Variants in MASP2 observed in about 807,000 individuals in gnomAD.
MASP2 encodes MBL associated serine protease 2, also known as mannan-binding lectin serine protease 2.
A neutral mutation model predicts 57.1 loss-of-function variants in MASP2; 49 were observed. The ratio of observed to expected loss-of-function variants is 0.86; its 90% CI spans 0.68 to 1.09. The LOEUF is 1.09. Among genes scored for constraint, MASP2 ranks in the 50% least tolerant of loss-of-function variants. The probability of loss-of-function intolerance (pLI) is 0.00; values close to 1 mark genes in which losing one functional copy is unlikely to be tolerated. For synonymous variants in MASP2, 379 were observed against 340.8 expected (o/e 1.11, Z -1.24); for missense variants, 900 against 874.8 (o/e 1.03, Z -0.36).
intron 10 of MASP2, 76 bp downstream of exon 10, chr1:11,030,100 A>G: frequency 2.8e-6 from 3 of 1,060,564 alleles, no homozygotes; most frequent in Non-Finnish European, 4.3e-6. Context: ...TACCACAGCT[A>G]AAGCTCTCCT....
chr1:11,043,726 C>T (rs370819108), intron 4 of MASP2, among the ~76,000 whole-genome samples, 191 bp from the exon 5 acceptor site: 13 of 152,178 alleles, frequency 8.5e-5, no homozygotes, highest in East Asian at 1.9e-4. Context: ...ACGACCCACC[C>T]GATGGCTGAG....
chr1:11,037,908 T>A, intron 6 of MASP2, 97 bp from the exon 7 acceptor site: 2 of 652,448 alleles, frequency 3.1e-6, no homozygotes, highest in African/African-American at 1.9e-5. Flanking sequence ...AAAGAATACT[T>A]AACATGTAAA....
At chr1:11,040,144 G>A (rs1462304904) in intron 6 of MASP2, among the ~76,000 whole-genome samples, 1 of 151,882 alleles carries the variant, frequency 6.6e-6, no homozygotes. Context: ...TGGATGGAAG[G>A]ATGGGTAGGT....
At chr1:11,031,672 T>C (rs1643848550) in intron 8 of MASP2, among the ~76,000 whole-genome samples, 1 of 151,868 alleles carries the variant, frequency 6.6e-6, no homozygotes, top group Non-Finnish European at 1.5e-5. Context: ...GGTTCAAACC[T>C]GTAATCAGCA....
chr1:11,032,279 CAT>C, intron 8 of MASP2, among the ~76,000 whole-genome samples: 1 of 152,136 alleles, frequency 6.6e-6, no homozygotes. Context: ...CTTGCTCACA[CAT>C]GTGAATTGTG....
chr1:11,044,764 CGACCCT>C, intron 4 of MASP2: 2 of 1,248,558 alleles, frequency 1.6e-6, no homozygotes, highest in Non-Finnish European at 2.2e-6. Context: ...CGCCGCCTCC[CGACCCT>C]CCCACCCCAG....
At chr1:11,040,241 C>T (rs137873361) in intron 6 of MASP2, among the ~76,000 whole-genome samples, 9 of 151,640 alleles carry the variant, frequency 5.9e-5, no homozygotes, top group Non-Finnish European at 8.8e-5. Context: ...GAGGCCAAGG[C>T]GGATGGATCA....
Position 11,027,522 on chromosome 1 carries a change from T to A in MASP2, c.1424A>T (p.Asp475Val). Reference sequence around the variant, plus strand: ...ATGAGCAGCTGTTAGGACCCAGTTGTCATATAAAAGTGCACCTGCTGCTGT... The same window carrying A: ...ATGAGCAGCTGTTAGGACCCAGTTGACATATAAAAGTGCACCTGCTGCTGT... ...GTTAAGALLY[D>V]NWVLTAAHAV... Residue 475 changes from aspartate to valine, a missense_variant, in exon 11 of 11, where the codon GAC (aspartate) becomes GTC (valine). By Grantham distance (152) the Asp-to-Val change is radical (BLOSUM62 -3). Transcript: ENST00000400897. 1.2e-6 allele frequency: 2 copies of A among 1,614,192 alleles called. No homozygotes were observed. The highest frequency in any genetic ancestry group is 2.2e-5 in the South Asian group (2 of 91,082).
chr1:11,044,765 GACCCTCCCA>G, intron 4 of MASP2: 1 of 721,342 alleles, frequency 1.4e-6, no homozygotes, highest in African/African-American at 1.8e-5. Flanking sequence ...GCCGCCTCCC[GACCCTCCCA>G]CCCCAGAGAC....
At chr1:11,036,578 C>T (rs1370659938) in intron 7 of MASP2, among the ~76,000 whole-genome samples, 3 of 138,320 alleles carry the variant, frequency 2.2e-5, no homozygotes, top group Non-Finnish European at 4.7e-5. Flanking sequence ...GTCCGAGGAG[C>T]TGTGGAAAAG....
intron 10 of MASP2, among the ~76,000 whole-genome samples, chr1:11,028,716 T>G (rs12743634): frequency 0.61 from 78,598 of 128,674 alleles, 26,142 homozygotes; most frequent in Non-Finnish European, 0.76. Context: ...CTTTTTTTTT[T>G]TTTTTTTTTT....
intron 8 of MASP2, among the ~76,000 whole-genome samples, chr1:11,032,346 TCA>T (rs1234577908): frequency 6.6e-6 from 1 of 152,156 alleles, no homozygotes; most frequent in Non-Finnish European, 1.5e-5. Context: ...GCCTGGTGGC[TCA>T]CACCTGTAAT....
At chr1:11,034,025 G>A (rs1257665844) in intron 8 of MASP2, among the ~76,000 whole-genome samples, 1 of 151,506 alleles carries the variant, frequency 6.6e-6, no homozygotes, top group Non-Finnish European at 1.5e-5. Flanking sequence ...ATCACCTGAG[G>A]TCAGGAGTTC....
chr1:11,037,760 AC>A lies in MASP2; in HGVS notation c.940del (p.Val314CysfsTer7). 1 of 1,613,488 alleles carries A rather than the reference AC, an allele frequency of 6.2e-7. No individual in the cohort carries two copies. Among genetic ancestry groups the A allele is most frequent in the Non-Finnish European group, 8.5e-7 (1 of 1,179,808 alleles). ...GTCTTTCAGGATGTATTTGGCTTGC[AC>A]AGGTGAAACGTGGCCATTAGGTGGC... ...MAPPNGHVSPVQAKYILKDSF... is the reference protein window; with the variant it reads ...MAPPNGHVSPXQAKYILKDSF... On this transcript the variant is annotated frameshift_variant, in exon 7 of 11. Coordinates refer to ENST00000400897, the MANE Select transcript of MASP2 (RefSeq NM_006610.4). LOFTEE classifies it high-confidence loss of function.
intron 5 of MASP2, 93 bp downstream of exon 5, chr1:11,043,246 G>A: frequency 8.3e-7 from 1 of 1,203,270 alleles, no homozygotes; most frequent in Non-Finnish European, 1.2e-6. Context: ...GAGGGTGACG[G>A]GAACGTGGTG....
chr1:11,042,840 C>G (rs757741808), intron 6 of MASP2, 35 bp downstream of exon 6: 1 of 1,609,502 alleles, frequency 6.2e-7, no homozygotes. Flanking sequence ...GGCAGCTCTG[C>G]GCTTCCAGCC....
chr1:11,030,732 T>C lies in MASP2; in HGVS notation c.1222+16A>G. On this transcript the variant is annotated intron_variant, in intron 9 of 10. Coordinates refer to ENST00000400897, the MANE Select transcript of MASP2 (RefSeq NM_006610.4). ...TCCAAGTATTGCCCACCCCCAACTTTGAAGAATTTGCATACCATCATTCAC... is the reference window on the plus strand; with the variant it reads ...TCCAAGTATTGCCCACCCCCAACTTCGAAGAATTTGCATACCATCATTCAC... The C allele has an allele frequency of 6.3e-7, 1 of 1,586,274 alleles. No individual in the cohort carries two copies. The highest frequency in any genetic ancestry group is 8.6e-7 in the Non-Finnish European group (1 of 1,168,910).
chr1:11,029,394 C>T lies in MASP2; in HGVS notation c.1297+782G>A, dbSNP rs149942981. On this transcript the variant is annotated intron_variant, in intron 10 of 10. Coordinates refer to ENST00000400897, the MANE Select transcript of MASP2 (RefSeq NM_006610.4). ...CCAACCTGGCAAGAGAGCGAGATTC[C>T]GTCTCAAAAAATAATAATAATAATT... 4.5e-3 allele frequency among the ~76,000 whole-genome samples: 677 copies of T among 150,388 alleles called. 8 individuals carry two copies. Among genetic ancestry groups the T allele is most frequent in the African/African-American group, 0.015 (626 of 41,104 alleles).
chr1:11,027,326 GTTA>G lies in MASP2; in HGVS notation c.1617_1619del (p.Asn540del). On this transcript the variant is annotated inframe_deletion, in exon 11 of 11. Coordinates refer to ENST00000400897, the MANE Select transcript of MASP2 (RefSeq NM_006610.4). The stretch of plus-strand genomic sequence containing the variant: ...TGATGTTGCTATTGATTACAACTTT[GTTA>G]TTCAATTTAATCAGTGCTATGTCAT... The G allele has an allele frequency of 6.2e-7, 1 of 1,613,906 alleles. No homozygotes were observed. The highest frequency in any genetic ancestry group is 1.1e-5 in the South Asian group (1 of 91,072).
Sources: allele counts gnomAD v4.1 joint callset (sites outside exome capture counted in the v4.1 genomes callset), GRCh38; gene constraint gnomAD v4.1.1; transcripts MANE v1.5; gene names NCBI Gene and HGNC (gene_info 2026-07-23, HGNC 2026-07-21).